The following AGO3 variants were observed in gnomAD, a reference collection of about 807,000 sequenced individuals.
AGO3 encodes argonaute RISC catalytic component 3, also known as protein argonaute-3.
A neutral mutation model predicts 105.5 loss-of-function variants in AGO3; 16 were observed. The ratio of observed to expected loss-of-function variants is 0.15; its 90% CI spans 0.10 to 0.23. AGO3 has a LOEUF of 0.23. Among genes scored for constraint, AGO3 ranks in the 10% least tolerant of loss-of-function variants. The pLI is 1.00. For synonymous variants in AGO3, 340 were observed against 367.3 expected (o/e 0.93, Z 0.85); for missense variants, 534 against 1,088.0 (o/e 0.49, Z 7.16).
In AGO3 at chr1:36,039,850, C is replaced by T. The variant is rs1241697801; in HGVS notation, c.1903C>T (p.Pro635Ser). Reference sequence around the variant, plus strand: ...CTGTGCCACAGTAAGAGTTCAGAGACCCCGACAGGAGATCATCCAGGACTT... The same window carrying T: ...CTGTGCCACAGTAAGAGTTCAGAGATCCCGACAGGAGATCATCCAGGACTT... ...RYCATVRVQRPRQEIIQDLAS... is the reference protein window; with the variant it reads ...RYCATVRVQRSRQEIIQDLAS... Residue 635 changes from proline to serine, a missense_variant, in exon 15 of 19, where the codon CCC (proline) becomes TCC (serine). Physicochemically the swap from Pro to Ser is moderately conservative, Grantham distance 74. Around this residue, in one of 2 missense-constraint regions of AGO3, gnomAD observed 373 missense variants for 854.0 expected, o/e 0.44. Coordinates refer to ENST00000373191, the MANE Select transcript of AGO3 (RefSeq NM_024852.4). 3.7e-6 allele frequency: 6 copies of T among 1,613,602 alleles called. No homozygotes were observed. Among genetic ancestry groups the T allele is most frequent in the Admixed American group, 1.7e-5 (1 of 59,920 alleles).
At chr1:36,020,628 T>C in intron 11 of AGO3, among the ~76,000 whole-genome samples, 1 of 151,982 alleles carries the variant, frequency 6.6e-6, no homozygotes, top group East Asian at 1.9e-4. Context: ...TATTTATTTA[T>C]TTATTGAGAC....
intron 5 of AGO3, among the ~76,000 whole-genome samples, chr1:35,999,612 TTA>T (rs1362483223): frequency 6.6e-6 from 1 of 152,214 alleles, no homozygotes; most frequent in African/African-American, 2.4e-5. Flanking sequence ...CTCAAATGCC[TTA>T]TGTTTTTTGT....
At chr1:35,986,821 C>T (rs1031209966) in intron 5 of AGO3, among the ~76,000 whole-genome samples, 2 of 151,266 alleles carry the variant, frequency 1.3e-5, no homozygotes, top group East Asian at 3.9e-4. Context: ...CATGGCTTAA[C>T]CCTGTCTCTA....
At chr1:35,944,350 A>C (rs933609301) in intron 1 of AGO3, among the ~76,000 whole-genome samples, 1 of 151,856 alleles carries the variant, frequency 6.6e-6, no homozygotes, top group African/African-American at 2.4e-5. Context: ...GTGCCTGGCT[A>C]TATAGTACTT....
At position 36,063,525 on chromosome 1, in the gene AGO3, A is replaced by G. The variant is rs762143620; in HGVS notation, c.*7780A>G. 1.3e-5 allele frequency: 2 copies of G among 152,202 alleles called. No individual in the cohort carries two copies. The highest frequency in any genetic ancestry group is 2.9e-5 in the Non-Finnish European group (2 of 68,028). 9.4% of individuals were successfully genotyped at this position (152,202 alleles called of 1,614,324 possible). ...AAACTTTTCCCCCATAATTTGTTATATGGAAGATTTGCTACCCTGATCTTT... is the reference window on the plus strand; with the variant it reads ...AAACTTTTCCCCCATAATTTGTTATGTGGAAGATTTGCTACCCTGATCTTT... On this transcript the variant is annotated 3_prime_UTR_variant, in exon 19 of 19. Coordinates refer to ENST00000373191, the MANE Select transcript of AGO3 (RefSeq NM_024852.4).
chr1:35,988,305 A>G (rs921503816), intron 5 of AGO3, among the ~76,000 whole-genome samples: 7 of 152,200 alleles, frequency 4.6e-5, no homozygotes, highest in African/African-American at 1.7e-4. Flanking sequence ...GAGAGACATA[A>G]GAACATGAAA....
chr1:35,997,761 A>T (rs1365713135), intron 5 of AGO3, among the ~76,000 whole-genome samples: 1 of 152,114 alleles, frequency 6.6e-6, no homozygotes, highest in Non-Finnish European at 1.5e-5. Flanking sequence ...CAGTGGCGTG[A>T]TCTCGGCTCA....
At chr1:35,959,885 TA>T (rs1484312167) in intron 2 of AGO3, among the ~76,000 whole-genome samples, 2 of 151,960 alleles carry the variant, frequency 1.3e-5, no homozygotes, top group South Asian at 2.1e-4. Flanking sequence ...AATTTTAATA[TA>T]AAAATATTAT....
chr1:36,028,813 G>A (rs963433313), intron 12 of AGO3, among the ~76,000 whole-genome samples: 11 of 151,974 alleles, frequency 7.2e-5, no homozygotes, highest in Non-Finnish European at 1.5e-4. Flanking sequence ...TCCCTGAGGA[G>A]TCGCCACACT....
At chr1:36,009,089 C>CTTTTTTTTTTTTTTTTTT in intron 8 of AGO3, 45 bp downstream of exon 8, 1 of 1,474,644 alleles carries the variant, frequency 6.8e-7, no homozygotes, top group East Asian at 4.1e-5. Flanking sequence ...GTTCATGATT[C>CTTTTTTTTTTTTTTTTTT]TTTTGGGGTC....
intron 5 of AGO3, among the ~76,000 whole-genome samples, chr1:35,987,884 A>T (rs1355778745): frequency 6.6e-6 from 1 of 152,060 alleles, no homozygotes; most frequent in Non-Finnish European, 1.5e-5. Context: ...CCTGACCAAC[A>T]TGGTGAAACC....
intron 1 of AGO3, among the ~76,000 whole-genome samples, chr1:35,942,356 A>G (rs1168780491): frequency 3.9e-5 from 6 of 151,980 alleles, no homozygotes; most frequent in Admixed American, 1.3e-4. Context: ...TTCCTTTTTT[A>G]TAGTGTTTTT....
Position 35,988,681 on chromosome 1 carries a change from G to A in AGO3, c.658+15170G>A, listed in dbSNP as rs541322819. Reference sequence around the variant, plus strand: ...CATTCTTTTTATCCATTTGTCTGTCGATGGTCGCTTAGGTTGTTTCCATAT... The same window carrying A: ...CATTCTTTTTATCCATTTGTCTGTCAATGGTCGCTTAGGTTGTTTCCATAT... On this transcript the variant is annotated intron_variant, in intron 5 of 18. Transcript: ENST00000373191. Among the ~76,000 whole-genome samples, 4 of 151,868 alleles carry A rather than the reference G, an allele frequency of 2.6e-5. No individual in the cohort carries two copies. In the South Asian group the frequency reaches 8.4e-4, roughly 32 times the overall value.
intron 5 of AGO3, among the ~76,000 whole-genome samples, chr1:35,998,459 G>A (rs1264703513): frequency 6.6e-6 from 1 of 152,028 alleles, no homozygotes; most frequent in Admixed American, 6.6e-5. Context: ...ATTATATACA[G>A]CTTCCAATTT....
chr1:36,022,087 A>C (rs1436406246), intron 11 of AGO3, among the ~76,000 whole-genome samples: 1 of 116,388 alleles, frequency 8.6e-6, no homozygotes, highest in Non-Finnish European at 1.7e-5. Flanking sequence ...TTTTTTTGAC[A>C]TAGGGCCTCA....
At chr1:36,012,946 T>C (rs950464332) in intron 9 of AGO3, among the ~76,000 whole-genome samples, 24 of 151,984 alleles carry the variant, frequency 1.6e-4, no homozygotes, top group Non-Finnish European at 2.8e-4. Context: ...TGGATTTTTT[T>C]TTTCTTTTGA....
intron 5 of AGO3, among the ~76,000 whole-genome samples, chr1:35,989,037 T>C (rs1028699984): frequency 2.0e-5 from 3 of 152,218 alleles, no homozygotes; most frequent in African/African-American, 4.8e-5. Flanking sequence ...TTTATTGAAC[T>C]TGAAATCAGC....
rs1452051984 is a variant in AGO3 at position 36,064,923 on chromosome 1, G to C, written c.*9178G>C. 2 of 152,138 alleles carry C rather than the reference G, an allele frequency of 1.3e-5. No homozygotes were observed. The highest frequency in any genetic ancestry group is 6.6e-5 in the Admixed American group (1 of 15,262). The allele number at this position is 152,138 out of a possible 1,614,324, so 9.4% of individuals were successfully genotyped here. A position where few individuals can be genotyped will look rare whatever the true frequency, so the allele number is the denominator to read the frequency against. On this transcript the variant is annotated 3_prime_UTR_variant, in exon 19 of 19. Coordinates refer to ENST00000373191, the MANE Select transcript of AGO3 (RefSeq NM_024852.4). ...CTCACACCTGTAATCCCAGCACTTT[G>C]GGTGGGCGGCTGAGGCGGGCGGATC...
intron 3 of AGO3, among the ~76,000 whole-genome samples, chr1:35,971,160 A>T (rs1399576200): frequency 4.3e-5 from 6 of 139,408 alleles, no homozygotes; most frequent in Non-Finnish European, 4.5e-5. Flanking sequence ...ATATATATTT[A>T]TTTTATTTAT....
Sources: gnomAD v4.1 joint callset for allele counts (sites outside exome capture counted in the v4.1 genomes callset) on GRCh38, gnomAD v4.1.1 for gene constraint, gnomAD v4.1.1 regional missense constraint, MANE v1.5 for transcripts, NCBI Gene and HGNC (gene_info 2026-07-23, HGNC 2026-07-21) for gene names.